Variants in SMARCC1 observed in about 807,000 individuals in gnomAD.
SMARCC1 encodes SWI/SNF related BAF chromatin remodeling complex subunit C1.
Under a neutral mutation model 147.4 loss-of-function variants are expected in SMARCC1, and 43 were observed. The ratio of observed to expected loss-of-function variants is 0.29; its 90% CI spans 0.23 to 0.38. The LOEUF (loss-of-function observed/expected upper bound fraction) is 0.38, where lower values mean the gene tolerates loss of function less well. Ranked by LOEUF, SMARCC1 falls within the 10% of genes least tolerant of loss-of-function variation. The pLI, the probability that SMARCC1 is intolerant of heterozygous loss-of-function variation, is 1.00. For synonymous variants in SMARCC1, 495 were observed against 484.4 expected (o/e 1.02, Z -0.29); for missense variants, 1,119 against 1,381.1 (o/e 0.81, Z 3.01).
At chr3:47,736,450 C>T (rs2034444649) in intron 4 of SMARCC1, among the ~76,000 whole-genome samples, 2 of 152,002 alleles carry the variant, frequency 1.3e-5, no homozygotes, top group South Asian at 2.1e-4. Context: ...CCGAGATGGG[C>T]GGATCATGAG....
At chr3:47,648,935 C>T (rs2033152990) in intron 21 of SMARCC1, among the ~76,000 whole-genome samples, 1 of 152,140 alleles carries the variant, frequency 6.6e-6, no homozygotes, top group South Asian at 2.1e-4. Flanking sequence ...CCCCCAAAGG[C>T]AGACAGTTAT....
chr3:47,686,181 G>T lies in SMARCC1; in HGVS notation c.1264-11C>A. 1 of 1,607,354 alleles carries T rather than the reference G, an allele frequency of 6.2e-7. No homozygotes were observed. The highest frequency in any genetic ancestry group is 8.5e-7 in the Non-Finnish European group (1 of 1,175,478). On this transcript the variant is annotated splice_polypyrimidine_tract_variant and intron_variant, in intron 13 of 27. Transcript: ENST00000254480. ...AGGATCTTCATCTTCCTATAGAAAAGAAGACAAAGTTCAAAGAAAGAAAGA... is the reference window on the plus strand; with the variant it reads ...AGGATCTTCATCTTCCTATAGAAAATAAGACAAAGTTCAAAGAAAGAAAGA...
At chr3:47,744,687 C>T (rs536838059) in intron 3 of SMARCC1, among the ~76,000 whole-genome samples, 1 of 152,256 alleles carries the variant, frequency 6.6e-6, no homozygotes, top group Admixed American at 6.6e-5. Flanking sequence ...TCCACTCCCC[C>T]AACCCTACCC....
chr3:47,622,723 G>A (rs868339436), intron 24 of SMARCC1, among the ~76,000 whole-genome samples: 17 of 152,166 alleles, frequency 1.1e-4, no homozygotes, highest in African/African-American at 4.1e-4. Context: ...GGGTGGGCAG[G>A]CAGGCAGGCT....
intron 2 of SMARCC1, among the ~76,000 whole-genome samples, chr3:47,756,533 CAAAAAAAAA>C (rs11353915): frequency 1.2e-5 from 1 of 83,108 alleles, no homozygotes; most frequent in Non-Finnish European, 2.3e-5. Flanking sequence ...AACTCCGTCT[CAAAAAAAAA>C]AAAAAAAAAA....
In SMARCC1 at chr3:47,693,248, C is replaced by T. The variant is rs781265979; in HGVS notation, c.1218G>A (p.Ala406=). ...TAGATTTTAGGTGCTTACCTAGATCCGCTACAGTTCCTCCTTTAACAGGTG... is the reference window on the plus strand; with the variant it reads ...TAGATTTTAGGTGCTTACCTAGATCTGCTACAGTTCCTCCTTTAACAGGTG... The part of the protein sequence containing the change: ...ENTPVKGGTV[A]DLDEQDEETV... Residue 406 remains alanine, a synonymous_variant, in exon 12 of 28, where the codon GCG becomes GCA. Coordinates refer to ENST00000254480, the MANE Select transcript of SMARCC1 (RefSeq NM_003074.4). 3.8e-6 allele frequency: 6 copies of T among 1,578,830 alleles called. No individual in the cohort carries two copies. Among genetic ancestry groups the T allele is most frequent in the African/African-American group, 1.3e-5 (1 of 74,186 alleles).
At chr3:47,611,877 T>TA (rs1279644090) in intron 25 of SMARCC1, among the ~76,000 whole-genome samples, 4 of 152,036 alleles carry the variant, frequency 2.6e-5, no homozygotes, top group African/African-American at 9.7e-5. Context: ...GGAGAACAAA[T>TA]AAAGAGAGTA....
chr3:47,760,394 G>A (rs1319712731), intron 2 of SMARCC1, among the ~76,000 whole-genome samples: 1 of 152,010 alleles, frequency 6.6e-6, no homozygotes, highest in African/African-American at 2.4e-5. Context: ...CAGAGGGAGT[G>A]GCTCATGCCA....
intron 3 of SMARCC1, among the ~76,000 whole-genome samples, chr3:47,745,244 G>A (rs985661509): frequency 1.1e-4 from 17 of 152,046 alleles, no homozygotes; most frequent in Admixed American, 5.2e-4. Flanking sequence ...GCGAAAAAGC[G>A]CAACTAAGTC....
intron 9 of SMARCC1, among the ~76,000 whole-genome samples, chr3:47,708,066 G>C (rs989606811): frequency 9.1e-6 from 1 of 110,356 alleles, no homozygotes; most frequent in African/African-American, 3.3e-5. Flanking sequence ...CAGTAAATCT[G>C]AAGTTGAATT....
At chr3:47,685,616 T>C (rs1576411215) in intron 14 of SMARCC1, among the ~76,000 whole-genome samples, 1 of 150,272 alleles carries the variant, frequency 6.7e-6, no homozygotes, top group East Asian at 2.0e-4. Flanking sequence ...TCCCAGCACT[T>C]TGGGAGGCTG....
intron 13 of SMARCC1, among the ~76,000 whole-genome samples, chr3:47,686,578 T>C (rs1023204337): frequency 6.6e-6 from 1 of 152,232 alleles, no homozygotes; most frequent in African/African-American, 2.4e-5. Context: ...CACATTTTTA[T>C]TGCATACATT....
At chr3:47,670,499 G>A (rs1394995663) in intron 19 of SMARCC1, 159 bp downstream of exon 19, 9 of 615,090 alleles carry the variant, frequency 1.5e-5, no homozygotes, top group African/African-American at 1.3e-4. Flanking sequence ...TAAGAGGATC[G>A]CCTGAGCCTG....
chr3:47,665,282 T>G (rs1221943527), intron 19 of SMARCC1, among the ~76,000 whole-genome samples: 1 of 152,194 alleles, frequency 6.6e-6, no homozygotes, highest in African/African-American at 2.4e-5. Context: ...TTCCTCTGGA[T>G]ATTCAGTAAC....
intron 20 of SMARCC1, among the ~76,000 whole-genome samples, chr3:47,661,894 C>A (rs1040435100): frequency 5.9e-5 from 9 of 152,110 alleles, no homozygotes; most frequent in Admixed American, 3.9e-4. Context: ...CTAGTTACAC[C>A]AAATTCTAAA....
chr3:47,671,173 CAAAA>C lies in SMARCC1; in HGVS notation c.1840-460_1840-457del, dbSNP rs775759680. Among the ~76,000 whole-genome samples the C allele has an allele frequency of 7.0e-3, 204 of 29,232 alleles. 1 individual carries two copies. The highest frequency in any genetic ancestry group is 0.022 in the African/African-American group (135 of 6,086). 19.2% of individuals were successfully genotyped at this position (29,232 alleles called of 152,430 possible). On this transcript the variant is annotated intron_variant, in intron 18 of 27. Transcript: ENST00000254480. ...CCTGGGCAACAGAGCGAGACTATCTCAAAAAAAAAAAAAAAAAAAAAAAAACACA... is the reference window on the plus strand; with the variant it reads ...CCTGGGCAACAGAGCGAGACTATCTCAAAAAAAAAAAAAAAAAAAAACACA...
At chr3:47,597,254 T>C (rs1199652279) in intron 26 of SMARCC1, among the ~76,000 whole-genome samples, 3 of 152,150 alleles carry the variant, frequency 2.0e-5, no homozygotes, top group Non-Finnish European at 2.9e-5. Context: ...ACTCCTGGGT[T>C]GAAGTGATGC....
intron 1 of SMARCC1, among the ~76,000 whole-genome samples, chr3:47,778,452 A>G (rs542103805): frequency 6.6e-6 from 1 of 151,990 alleles, no homozygotes; most frequent in African/African-American, 2.4e-5. Context: ...AGCTGGGACT[A>G]CACGTGCATG....
chr3:47,729,596 G>A (rs547767254), intron 5 of SMARCC1, among the ~76,000 whole-genome samples: 10 of 152,240 alleles, frequency 6.6e-5, no homozygotes, highest in African/African-American at 2.2e-4. Context: ...ATGTTGGTCA[G>A]GCTGGTCTTG....
Sources: allele counts gnomAD v4.1 joint callset (sites outside exome capture counted in the v4.1 genomes callset), GRCh38; gene constraint gnomAD v4.1.1; transcripts MANE v1.5; gene names NCBI Gene and HGNC (gene_info 2026-07-23, HGNC 2026-07-21).